KCNT2: variants seen among roughly 807,000 people sequenced by gnomAD.
KCNT2 encodes potassium channel subfamily T member 2.
A neutral mutation model predicts 153.8 loss-of-function variants in KCNT2; 67 were observed. That is an observed-to-expected ratio of 0.44 (90% CI 0.36 to 0.53). KCNT2 has a LOEUF of 0.53. Among genes scored for constraint, KCNT2 ranks in the 20% least tolerant of loss-of-function variants. The probability of loss-of-function intolerance (pLI) is 0.00; values close to 1 mark genes in which losing one functional copy is unlikely to be tolerated. For missense variants in KCNT2, 975 were observed against 1,354.8 expected (o/e 0.72, Z 4.40); for synonymous variants, 500 against 458.8 (o/e 1.09, Z -1.15).
At chr1:196,501,629 T>C (rs1012462886) in intron 1 of KCNT2, among the ~76,000 whole-genome samples, 1 of 152,138 alleles carries the variant, frequency 6.6e-6, no homozygotes, top group African/African-American at 2.4e-5. Flanking sequence ...ATTGAAACAT[T>C]ATCTAATGGG....
chr1:196,380,258 G>A (rs183258910), intron 13 of KCNT2, among the ~76,000 whole-genome samples: 1 of 152,262 alleles, frequency 6.6e-6, no homozygotes, highest in Non-Finnish European at 1.5e-5. Flanking sequence ...TATTTTGTGA[G>A]ATTATTGATT....
chr1:196,597,020 A>G (rs763048051), intron 1 of KCNT2, among the ~76,000 whole-genome samples: 3 of 152,162 alleles, frequency 2.0e-5, no homozygotes, highest in Non-Finnish European at 4.4e-5. Flanking sequence ...TTAATAGAAC[A>G]TTAAATTGTA....
chr1:196,482,479 A>G (rs1370072682), intron 3 of KCNT2, 100 bp from the exon 4 acceptor site: 3 of 563,638 alleles, frequency 5.3e-6, no homozygotes, highest in Admixed American at 7.9e-5. Context: ...ATGCTAGCAT[A>G]AAAAGACAAA....
At chr1:196,537,134 G>A (rs1005938808) in intron 1 of KCNT2, among the ~76,000 whole-genome samples, 9 of 152,300 alleles carry the variant, frequency 5.9e-5, no homozygotes, top group Non-Finnish European at 1.3e-4. Context: ...CCACTTGGCT[G>A]CTAGAAAGGT....
intron 27 of KCNT2, 144 bp downstream of exon 27, chr1:196,235,841 CA>C (rs1411695019): frequency 9.8e-6 from 5 of 509,502 alleles, no homozygotes; most frequent in African/African-American, 6.0e-5. Flanking sequence ...ACATGAAATG[CA>C]TTTGTTTATT....
intron 27 of KCNT2, among the ~76,000 whole-genome samples, chr1:196,233,526 C>A (rs1654143147): frequency 6.6e-6 from 1 of 151,304 alleles, no homozygotes; most frequent in Non-Finnish European, 1.5e-5. Flanking sequence ...CCTATTTAGC[C>A]TTTTTCAGCT....
At chr1:196,348,719 T>A (rs1483295901) in intron 14 of KCNT2, among the ~76,000 whole-genome samples, 1 of 152,068 alleles carries the variant, frequency 6.6e-6, no homozygotes, top group Non-Finnish European at 1.5e-5. Flanking sequence ...AAGAACAGTA[T>A]ATGTTTAATA....
chr1:196,337,547 T>A (rs1665154999), intron 16 of KCNT2, among the ~76,000 whole-genome samples: 1 of 152,076 alleles, frequency 6.6e-6, no homozygotes, highest in Non-Finnish European at 1.5e-5. Context: ...CTGTTCGTCC[T>A]CATCTCCTAC....
At chr1:196,437,011 C>T (rs377451125) in intron 8 of KCNT2, among the ~76,000 whole-genome samples, 1 of 37,290 alleles carries the variant, frequency 2.7e-5, no homozygotes, top group South Asian at 1.1e-3. Flanking sequence ...GGGAAATATA[C>T]ATATATTTAT....
chr1:196,388,603 T>C (rs909559639), intron 13 of KCNT2, among the ~76,000 whole-genome samples: 2 of 151,656 alleles, frequency 1.3e-5, no homozygotes, highest in Non-Finnish European at 3.0e-5. Flanking sequence ...TATATGAGAC[T>C]TGCACATATT....
intron 1 of KCNT2, among the ~76,000 whole-genome samples, chr1:196,566,904 C>A (rs1660178635): frequency 6.6e-6 from 1 of 152,018 alleles, no homozygotes; most frequent in Non-Finnish European, 1.5e-5. Flanking sequence ...AGATAAAAAT[C>A]TTGCTAGGTT....
At chr1:196,291,939 C>T (rs1660222692) in intron 22 of KCNT2, among the ~76,000 whole-genome samples, 1 of 152,106 alleles carries the variant, frequency 6.6e-6, no homozygotes, top group African/African-American at 2.4e-5. Context: ...AACTCAAATT[C>T]TGCTTAAAAG....
intron 3 of KCNT2, among the ~76,000 whole-genome samples, chr1:196,488,011 G>A (rs1679568388): frequency 6.6e-6 from 1 of 151,982 alleles, no homozygotes; most frequent in African/African-American, 2.4e-5. Context: ...CTTCAGGTGT[G>A]CTTCCTTTCC....
intron 1 of KCNT2, among the ~76,000 whole-genome samples, chr1:196,556,158 A>G (rs1658628524): frequency 6.6e-6 from 1 of 151,496 alleles, no homozygotes; most frequent in Non-Finnish European, 1.5e-5. Context: ...ATAAGATCAC[A>G]TCAAGTTAAA....
chr1:196,465,472 A>C, intron 7 of KCNT2, 85 bp from the exon 8 acceptor site: 7 of 774,020 alleles, frequency 9.0e-6, no homozygotes, highest in Non-Finnish European at 1.4e-5. Context: ...CATACATTTC[A>C]TGTCAACTCT....
chr1:196,235,963 T>C (rs1306699381), intron 27 of KCNT2, 23 bp downstream of exon 27: 1 of 1,393,048 alleles, frequency 7.2e-7, no homozygotes, highest in Non-Finnish European at 1.0e-6. Context: ...ATCTGTCTTA[T>C]ATGAGATATG....
At position 196,254,025 on chromosome 1, in the gene KCNT2, A is replaced by G. The variant is rs1301388084; in HGVS notation, c.3211+4169T>C. On this transcript the variant is annotated intron_variant, in intron 26 of 27. Coordinates refer to ENST00000294725, the MANE Select transcript of KCNT2 (RefSeq NM_198503.5). Reference sequence around the variant, plus strand: ...GAAAAATTAATGCTCTAGGAAGGATATGATACAACTCTATAAAGTAAAACT... The same window carrying G: ...GAAAAATTAATGCTCTAGGAAGGATGTGATACAACTCTATAAAGTAAAACT... 4.0e-5 allele frequency among the ~76,000 whole-genome samples: 6 copies of G among 151,542 alleles called. No individual in the cohort carries two copies. In the East Asian group the frequency reaches 1.2e-3, roughly 29 times the overall value.
chr1:196,398,626 G>A lies in KCNT2; in HGVS notation c.1231C>T (p.Pro411Ser). The A allele has an allele frequency of 1.2e-6, 2 of 1,608,840 alleles. No individual in the cohort carries two copies. Among genetic ancestry groups the A allele is most frequent in the East Asian group, 2.2e-5 (1 of 44,592 alleles). Reference sequence around the variant, plus strand: ...ATCTGGACATACAAAGGACAATTTGGAGCAAAATCTTTCACAGCCCATGCT... The same window carrying A: ...ATCTGGACATACAAAGGACAATTTGAAGCAAAATCTTTCACAGCCCATGCT... ...LRAWAVKDFA[P>S]NCPLYVQILK... is the part of the protein sequence containing the mutation. Residue 411 changes from proline to serine, a missense_variant, in exon 13 of 28, where the codon CCA becomes TCA. Transcript: ENST00000294725.
At chr1:196,354,234 G>A (rs1453312934) in intron 14 of KCNT2, among the ~76,000 whole-genome samples, 3 of 151,706 alleles carry the variant, frequency 2.0e-5, no homozygotes, top group Admixed American at 6.6e-5. Context: ...ATTAGTGGGA[G>A]TCTACCTCTT....
Sources: gnomAD v4.1 joint callset for allele counts (sites outside exome capture counted in the v4.1 genomes callset) on GRCh38, gnomAD v4.1.1 for gene constraint, MANE v1.5 for transcripts, NCBI Gene and HGNC (gene_info 2026-07-23, HGNC 2026-07-21) for gene names.